The following NBPF26 variants were observed in gnomAD, a reference collection of about 807,000 sequenced individuals.
NBPF26 encodes NBPF family member NBPF26.
Under a neutral mutation model 119.6 loss-of-function variants are expected in NBPF26, and 79 were observed. The ratio of observed to expected loss-of-function variants is 0.66; its 90% CI spans 0.55 to 0.80. The LOEUF (loss-of-function observed/expected upper bound fraction) is 0.80. NBPF26 is among the 30% of genes least tolerant of loss of function. The probability of loss-of-function intolerance (pLI) is 0.00; values close to 1 mark genes in which losing one functional copy is unlikely to be tolerated. For synonymous variants in NBPF26, 299 were observed against 457.7 expected, an observed-to-expected ratio of 0.65 and a Z score of 4.43; for missense variants, 800 against 1,198.2, an observed-to-expected ratio of 0.67 and a Z score of 4.91.
chr1:120,816,758 A>T lies in NBPF26; in HGVS notation c.2302A>T (p.Lys768Ter), dbSNP rs1652016288. ...AACCAAAATCACATTTGAGGAAGAC[A>T]AAGTCGACTCAACTCTCATTGGCTC... Residue 768 changes from lysine (K) to a stop codon, truncating the protein, a stop_gained, in exon 14 of 30, where the codon AAA becomes TAA. Transcript: ENST00000620612. LOFTEE classifies it high-confidence loss of function. 1 of 1,402,594 alleles carries T rather than the reference A, an allele frequency of 7.1e-7. No homozygotes were observed. Among genetic ancestry groups the T allele is most frequent in the African/African-American group, 3.0e-5 (1 of 33,690 alleles). 86.9% of individuals were successfully genotyped at this position (1,402,594 alleles called of 1,614,324 possible).
rs1651392722 is a variant in NBPF26 at position 120,783,802 on chromosome 1, T to A, written c.156-1172T>A. On this transcript the variant is annotated intron_variant, in intron 2 of 29. Coordinates refer to ENST00000620612, the Ensembl canonical transcript of NBPF26. ...TCAGCAATCCAGACTAAGACTTCAC[T>A]GGGTTTTGAGTTAGACAGAGGGAGT... 1.8e-5 allele frequency among the ~76,000 whole-genome samples: 2 copies of A among 113,716 alleles called. 1 individual carries two copies. The highest frequency in any genetic ancestry group is 1.1e-4 in the African/African-American group (2 of 18,866). The allele number at this position is 113,716 out of a possible 152,430, so 74.6% of individuals were successfully genotyped here. A position where few individuals can be genotyped will look rare whatever the true frequency, so the allele number is the denominator to read the frequency against.
At chr1:120,809,137 T>C (rs1486534890) in intron 7 of NBPF26, among the ~76,000 whole-genome samples, 1 of 124,108 alleles carries the variant, frequency 8.1e-6, no homozygotes, top group Non-Finnish European at 1.6e-5. Context: ...AGTGAGTGAG[T>C]GATTTATCTT....
intron 2 of NBPF26, among the ~76,000 whole-genome samples, chr1:120,770,309 A>G (rs1651248265): frequency 9.3e-6 from 1 of 107,848 alleles, no homozygotes; most frequent in Admixed American, 9.0e-5. Flanking sequence ...AGCCGGGACT[A>G]TAAGCGCCCG....
At chr1:120,806,705 A>G (rs1651694135) in intron 5 of NBPF26, among the ~76,000 whole-genome samples, 1 of 121,720 alleles carries the variant, frequency 8.2e-6, no homozygotes, top group African/African-American at 4.0e-5. Flanking sequence ...CCTAAAGAGG[A>G]AGAAAGATCA....
intron 2 of NBPF26, among the ~76,000 whole-genome samples, chr1:120,784,658 T>C (rs1651401367): frequency 1.7e-5 from 2 of 118,808 alleles, no homozygotes; most frequent in East Asian, 2.1e-4. Flanking sequence ...CCTTCCTGTT[T>C]AATTTTTTTT....
Position 120,754,282 on chromosome 1 carries a change from G to A in NBPF26, c.74-9346G>A, listed in dbSNP as rs1176805984. On this transcript the variant is annotated intron_variant, in intron 1 of 29. Transcript: ENST00000620612. ...ACAGGCAAAATTTGTCTTGATAATC[G>A]TACAAATACAGATAGTGGAACAGAA... Among the ~76,000 whole-genome samples the A allele has an allele frequency of 3.1e-4, 11 of 35,488 alleles. 3 individuals are homozygous for A. The highest frequency in any genetic ancestry group is 5.3e-4 in the Non-Finnish European group (11 of 20,876). 23.3% of individuals were successfully genotyped at this position (35,488 alleles called of 152,430 possible).
chr1:120,802,344 C>T (rs1392648872), intron 4 of NBPF26, among the ~76,000 whole-genome samples: 6 of 126,128 alleles, frequency 4.8e-5, no homozygotes, highest in Non-Finnish European at 9.7e-5. Context: ...CATTGAGCTG[C>T]ATCACATCAT....
chr1:120,822,880 A>C (rs1206239873), intron 16 of NBPF26, among the ~76,000 whole-genome samples: 2 of 121,044 alleles, frequency 1.7e-5, no homozygotes, highest in East Asian at 4.0e-4. Context: ...ACCAAGTTTC[A>C]TTTTGACTCA....
intron 14 of NBPF26, 29 bp downstream of exon 14, chr1:120,816,856 C>A: frequency 6.9e-7 from 1 of 1,450,598 alleles, no homozygotes; most frequent in Non-Finnish European, 9.2e-7. Context: ...GTGTCTCATA[C>A]CTCTTTCTTG....
chr1:120,810,123 T>C (rs1313713381), intron 8 of NBPF26, among the ~76,000 whole-genome samples: 1 of 125,868 alleles, frequency 7.9e-6, no homozygotes. Context: ...CTCCTATCTG[T>C]CCAGTGCACT....
At chr1:120,788,805 C>T (rs1651451851) in intron 3 of NBPF26, among the ~76,000 whole-genome samples, 1 of 74,156 alleles carries the variant, frequency 1.3e-5, no homozygotes, top group Non-Finnish European at 2.4e-5. Context: ...GTGGATAAGG[C>T]ATTCCATGAG....
intron 5 of NBPF26, 104 bp downstream of exon 5, chr1:120,805,869 T>C (rs1651669210): frequency 1.1e-6 from 1 of 943,434 alleles, no homozygotes; most frequent in South Asian, 1.5e-5. Flanking sequence ...ATCCTTCCTG[T>C]ACTTCTAGGA....
At position 120,778,299 on chromosome 1, in the gene NBPF26, G is replaced by A. The variant is rs1297698064; in HGVS notation, c.156-6675G>A. Among the ~76,000 whole-genome samples the A allele has an allele frequency of 4.7e-4, 31 of 65,856 alleles. 5 individuals are homozygous for A. Among genetic ancestry groups the A allele is most frequent in the Admixed American group, 1.3e-3 (9 of 6,752 alleles). The allele number at this position is 65,856 out of a possible 152,430, so 43.2% of individuals were successfully genotyped here. On this transcript the variant is annotated intron_variant, in intron 2 of 29. Coordinates refer to ENST00000620612, the Ensembl canonical transcript of NBPF26. Reference sequence around the variant, plus strand: ...CTCAGCTAGGGCAGGCTGCCACTGCGGATTGGGGGGCCAAGAGGCCCAGCG... The same window carrying A: ...CTCAGCTAGGGCAGGCTGCCACTGCAGATTGGGGGGCCAAGAGGCCCAGCG...
intron 2 of NBPF26, among the ~76,000 whole-genome samples, chr1:120,777,678 G>A (rs1651314127): frequency 1.4e-5 from 1 of 70,566 alleles, no homozygotes; most frequent in Non-Finnish European, 2.4e-5. Context: ...TTGAGAGAAG[G>A]GGGGGTTGAG....
chr1:120,724,732 C>T (rs1650799253), intron 1 of NBPF26, among the ~76,000 whole-genome samples: 1 of 122,108 alleles, frequency 8.2e-6, no homozygotes, highest in Admixed American at 7.7e-5. Context: ...TGCCAGGGGG[C>T]GGCACATGGG....
At chr1:120,754,448 G>T (rs1317299478) in intron 1 of NBPF26, among the ~76,000 whole-genome samples, 1 of 89,194 alleles carries the variant, frequency 1.1e-5, no homozygotes, top group Admixed American at 1.1e-4. Flanking sequence ...CTTCCTCTCT[G>T]TTGGATTTTA....
At chr1:120,804,617 G>A (rs1179344877) in intron 4 of NBPF26, among the ~76,000 whole-genome samples, 1 of 118,850 alleles carries the variant, frequency 8.4e-6, no homozygotes, top group African/African-American at 4.5e-5. Flanking sequence ...ACCTTGAAAA[G>A]AGGTCTTGTG....
rs1423786464 is a variant in NBPF26 at position 120,755,980 on chromosome 1, G to A, written c.74-7648G>A. ...TCCTTTCAATCAAGACAAATTTCAA[G>A]GAGGAAGACAGATGTTTCTCCACTT... On this transcript the variant is annotated intron_variant, in intron 1 of 29. Coordinates refer to ENST00000620612, the Ensembl canonical transcript of NBPF26. 4.6e-5 allele frequency among the ~76,000 whole-genome samples: 5 copies of A among 107,782 alleles called. 2 individuals are homozygous for A. Among genetic ancestry groups the A allele is most frequent in the Non-Finnish European group, 8.6e-5 (5 of 57,996 alleles). The allele number at this position is 107,782 out of a possible 152,430, so 70.7% of individuals were successfully genotyped here.
intron 3 of NBPF26, 79 bp downstream of exon 3, chr1:120,785,312 T>C: frequency 8.5e-7 from 1 of 1,173,026 alleles, no homozygotes. Flanking sequence ...TCATGGTGTC[T>C]GGCTCTTAAA....
Sources: allele counts gnomAD v4.1 joint callset (sites outside exome capture counted in the v4.1 genomes callset), GRCh38; gene constraint gnomAD v4.1.1; transcripts MANE v1.5; gene names NCBI Gene and HGNC (gene_info 2026-07-23, HGNC 2026-07-21).